The following VPS53 variants were observed in gnomAD, a reference collection of about 807,000 sequenced individuals.
VPS53 encodes the protein vacuolar protein sorting-associated protein 53 homolog.
VPS53 carries 70 observed loss-of-function variants against 107.0 expected under a neutral mutation model. The ratio of observed to expected loss-of-function variants is 0.65; its 90% CI spans 0.54 to 0.80. VPS53 has a LOEUF of 0.80. Ranked by LOEUF, VPS53 falls within the 30% of genes least tolerant of loss-of-function variation. The pLI, the probability that VPS53 is intolerant of heterozygous loss-of-function variation, is 0.00. For synonymous variants in VPS53, 409 were observed against 393.3 expected, an observed-to-expected ratio of 1.04 and a Z score of -0.47; for missense variants, 917 against 1,049.4, an observed-to-expected ratio of 0.87 and a Z score of 1.74.
intron 13 of VPS53, among the ~76,000 whole-genome samples, chr17:569,733 A>C (rs1913862485): frequency 6.6e-6 from 1 of 152,078 alleles, no homozygotes; most frequent in Non-Finnish European, 1.5e-5. Context: ...AGCCTGGCCA[A>C]CATGGTGAAA....
chr17:652,187 G>A (rs1480532035), intron 7 of VPS53, among the ~76,000 whole-genome samples: 1 of 152,024 alleles, frequency 6.6e-6, no homozygotes, highest in Non-Finnish European at 1.5e-5. Flanking sequence ...TAGAGACGGG[G>A]TTTCGCCATG....
At chr17:700,107 A>T (rs1187343417) in intron 2 of VPS53, among the ~76,000 whole-genome samples, 3 of 152,216 alleles carry the variant, frequency 2.0e-5, no homozygotes, top group Non-Finnish European at 4.4e-5. Context: ...ATAAATACAC[A>T]AATTTATTTT....
chr17:519,340 C>A lies in VPS53; in HGVS notation c.2329-42G>T. 2.1e-6 allele frequency: 3 copies of A among 1,444,032 alleles called. No individual in the cohort carries two copies. Among genetic ancestry groups the A allele is most frequent in the South Asian group, 3.0e-5 (2 of 67,142 alleles). 89.5% of individuals were successfully genotyped at this position (1,444,032 alleles called of 1,614,324 possible). On this transcript the variant is annotated intron_variant, in intron 21 of 21. Transcript: ENST00000437048. The surrounding 1 kb of genome is among the most constrained non-coding windows in gnomAD (Gnocchi z 5.0). ...AACAGAACCGTCACGAAGTCTGGGC[C>A]AGAATGGCCCACGGGGGACAGCGCA...
intron 4 of VPS53, among the ~76,000 whole-genome samples, chr17:664,725 T>C (rs1161024052): frequency 2.0e-5 from 3 of 152,128 alleles, no homozygotes; most frequent in African/African-American, 7.2e-5. Context: ...GTTGCTGCAG[T>C]GTCCACGAGA....
intron 7 of VPS53, among the ~76,000 whole-genome samples, chr17:637,996 G>C (rs1443712474): frequency 6.6e-6 from 1 of 152,200 alleles, no homozygotes; most frequent in Non-Finnish European, 1.5e-5. Flanking sequence ...TCATTGATCT[G>C]TCTAATGTTG....
Position 580,666 on chromosome 17 carries a change from G to A in VPS53, c.1313+5604C>T, listed in dbSNP as rs190792015. Among the ~76,000 whole-genome samples, 701 of 149,504 alleles carry A rather than the reference G, an allele frequency of 4.7e-3. 1 individual carries two copies. Among genetic ancestry groups the A allele is most frequent in the Non-Finnish European group, 8.2e-3 (549 of 67,258 alleles). On this transcript the variant is annotated intron_variant, in intron 13 of 21. Transcript: ENST00000437048. ...CCTCAGGACAGAATGCGTTCCTAGAGAACTTCCCTCAGAACCTAATGCGTT... is the reference window on the plus strand; with the variant it reads ...CCTCAGGACAGAATGCGTTCCTAGAAAACTTCCCTCAGAACCTAATGCGTT...
At chr17:671,625 G>A (rs944528836) in intron 4 of VPS53, among the ~76,000 whole-genome samples, 5 of 151,964 alleles carry the variant, frequency 3.3e-5, no homozygotes, top group Non-Finnish European at 7.4e-5. Flanking sequence ...CTCCGCATGC[G>A]AAATCTTCCT....
Position 710,545 on chromosome 17 carries a change from G to C in VPS53, c.156C>G (p.Phe52Leu). The change falls in exon 2 of 22, where the codon TTC (phenylalanine) becomes TTG (leucine). Residue 52 changes from phenylalanine to leucine, a missense_variant. Phe to Leu is a conservative substitution (Grantham distance 22). Coordinates refer to ENST00000437048, the MANE Select transcript of VPS53 (RefSeq NM_001128159.3). ...FNAVEYINTL[F>L]PTEQSLANID... ...AAACTCTACTTACTTGCTCGGTTGG[G>C]AACAGGGTATTGATATACTCAACAG... is the stretch of plus-strand genomic sequence containing the variant. 6.2e-7 allele frequency: 1 copy of C among 1,613,816 alleles called. No individual in the cohort carries two copies. The highest frequency in any genetic ancestry group is 8.5e-7 in the Non-Finnish European group (1 of 1,179,838).
At chr17:556,436 G>A (rs961912705) in intron 15 of VPS53, among the ~76,000 whole-genome samples, 3 of 152,170 alleles carry the variant, frequency 2.0e-5, no homozygotes, top group Non-Finnish European at 2.9e-5. Context: ...CCATACAAAC[G>A]ATCTTTGCAA....
At chr17:700,108 A>C (rs1973139671) in intron 2 of VPS53, among the ~76,000 whole-genome samples, 1 of 152,212 alleles carries the variant, frequency 6.6e-6, no homozygotes, top group Non-Finnish European at 1.5e-5. Context: ...TAAATACACA[A>C]ATTTATTTTT....
chr17:542,560 ATAATTT>A lies in VPS53; in HGVS notation c.1867-5390_1867-5385del, dbSNP rs1166019031. 5.2e-5 allele frequency among the ~76,000 whole-genome samples: 8 copies of A among 152,384 alleles called. 1 individual carries two copies. The South Asian group carries it at 1.7e-3, about 32-fold the overall frequency. Reference sequence around the variant, plus strand: ...TCCACAGTAAATTTTAGCTACTGTTATAATTTTAAGAATACTTGCACTATCACTAAA... The same window carrying A: ...TCCACAGTAAATTTTAGCTACTGTTATAAGAATACTTGCACTATCACTAAA... On this transcript the variant is annotated intron_variant, in intron 17 of 21. Transcript: ENST00000437048.
chr17:694,179 C>A (rs1972867901), intron 4 of VPS53, among the ~76,000 whole-genome samples: 1 of 152,214 alleles, frequency 6.6e-6, no homozygotes, highest in Non-Finnish European at 1.5e-5. Context: ...TCCTTTCTGT[C>A]TGGATTCTAA....
At position 662,799 on chromosome 17, in the gene VPS53, A is replaced by AAGAAAGAAAAAAAGAAAG. The variant is rs1555575877; in HGVS notation, c.286-922_286-905dup. ...AGAAAGAAAGAAAAAAAGAAAGAGA[A>AAGAAAGAAAAAAAGAAAG]AGAAAGAAAAAAAGAAAGAAAGAGA... On this transcript the variant is annotated intron_variant, in intron 4 of 21. Transcript: ENST00000437048. Among the ~76,000 whole-genome samples, 576 of 139,864 alleles carry AAGAAAGAAAAAAAGAAAG rather than the reference A, an allele frequency of 4.1e-3. 4 individuals carry two copies. Among genetic ancestry groups the AAGAAAGAAAAAAAGAAAG allele is most frequent in the East Asian group, 0.03 (102 of 3,450 alleles). The allele number at this position is 139,864 out of a possible 152,430, so 91.8% of individuals were successfully genotyped here.
intron 13 of VPS53, among the ~76,000 whole-genome samples, chr17:581,913 GAT>G (rs1175692363): frequency 6.7e-6 from 1 of 148,896 alleles, no homozygotes; most frequent in East Asian, 2.0e-4. Flanking sequence ...TGCATTCCCA[GAT>G]AACCTCCCTG....
chr17:599,617 A>AG, intron 12 of VPS53, among the ~76,000 whole-genome samples: 1 of 149,908 alleles, frequency 6.7e-6, no homozygotes, highest in Non-Finnish European at 1.5e-5. Flanking sequence ...AACACTGCGG[A>AG]AGGCCTCAGG....
chr17:546,466 A>G (rs144279574), intron 17 of VPS53, among the ~76,000 whole-genome samples: 1,784 of 152,276 alleles, frequency 0.012, 35 homozygotes, highest in African/African-American at 0.04. Flanking sequence ...TACAAATTTC[A>G]TATCTGATAA....
At chr17:643,234 C>T (rs77740522) in intron 7 of VPS53, among the ~76,000 whole-genome samples, 4 of 41,664 alleles carry the variant, frequency 9.6e-5, no homozygotes, top group African/African-American at 3.0e-4. Flanking sequence ...TACTTGGAAA[C>T]CGAGGACAAC....
At chr17:616,519 C>T (rs376229968) in intron 11 of VPS53, 5 of 152,374 alleles carry the variant, frequency 3.3e-5, no homozygotes, top group African/African-American at 1.2e-4. Flanking sequence ...TAGCTGACCC[C>T]TGACCACCAC....
intron 12 of VPS53, chr17:600,916 C>T (rs891711304): frequency 1.1e-4 from 16 of 152,232 alleles, no homozygotes; most frequent in African/African-American, 3.9e-4. Context: ...AGGGACCAGA[C>T]ACATTTGATT....
Sources: allele counts gnomAD v4.1 joint callset (sites outside exome capture counted in the v4.1 genomes callset), GRCh38; gene constraint gnomAD v4.1.1; non-coding constraint Gnocchi (gnomAD v3.1); transcripts MANE v1.5; gene names NCBI Gene and HGNC (gene_info 2026-07-23, HGNC 2026-07-21).